PALD1: variants seen among roughly 807,000 people sequenced by gnomAD.
PALD1 encodes the protein paladin.
Under a neutral mutation model 96.0 loss-of-function variants are expected in PALD1, and 57 were observed. The observed-to-expected ratio is 0.59, with a 90% CI of 0.48 to 0.74. The LOEUF is 0.74. Among genes scored for constraint, PALD1 ranks in the 30% least tolerant of loss-of-function variants. The pLI is 0.00. For missense variants in PALD1, 1,063 were observed against 1,143.7 expected (o/e 0.93, Z 1.02); for synonymous variants, 464 against 473.6 (o/e 0.98, Z 0.26).
chr10:70,518,990 G>A (rs1846671629), intron 1 of PALD1, among the ~76,000 whole-genome samples: 1 of 152,280 alleles, frequency 6.6e-6, no homozygotes, highest in South Asian at 2.1e-4. Flanking sequence ...TGGGTCTGGA[G>A]AAAGGAGCCC....
intron 1 of PALD1, among the ~76,000 whole-genome samples, chr10:70,517,427 C>T (rs757095553): frequency 3.4e-4 from 51 of 151,192 alleles, no homozygotes; most frequent in Non-Finnish European, 5.8e-4. Flanking sequence ...CTGCAGCCTC[C>T]GTCTCCTGGG....
chr10:70,515,548 C>T (rs1344747638), intron 1 of PALD1, among the ~76,000 whole-genome samples: 6 of 152,240 alleles, frequency 3.9e-5, no homozygotes, highest in East Asian at 3.8e-4. Flanking sequence ...TGAAGGTTCA[C>T]GTCTGTGGCA....
chr10:70,504,744 A>G (rs896774741), intron 1 of PALD1, among the ~76,000 whole-genome samples: 4 of 152,182 alleles, frequency 2.6e-5, no homozygotes, highest in African/African-American at 4.8e-5. Context: ...TCTGCATTCA[A>G]TCTATTGTGA....
In PALD1 at chr10:70,568,416, C is replaced by G. The variant is rs1218348634; in HGVS notation, c.*1683C>G. 4 of 88,768 alleles carry G rather than the reference C, an allele frequency of 4.5e-5. No individual in the cohort carries two copies. The highest frequency in any genetic ancestry group is 9.9e-5 in the Non-Finnish European group (4 of 40,310). The allele number at this position is 88,768 out of a possible 1,614,324, so 5.5% of individuals were successfully genotyped here. On this transcript the variant is annotated 3_prime_UTR_variant, in exon 20 of 20. Transcript: ENST00000263563. Reference sequence around the variant, plus strand: ...ATTTGTGATTTTTTTTTTTTTTGTACAGAGCTTTTAAGCATTAAAAACAGC... The same window carrying G: ...ATTTGTGATTTTTTTTTTTTTTGTAGAGAGCTTTTAAGCATTAAAAACAGC...
chr10:70,505,680 A>G (rs10823556), intron 1 of PALD1, among the ~76,000 whole-genome samples: 47,087 of 151,918 alleles, frequency 0.31, 7,959 homozygotes, highest in East Asian at 0.48. Flanking sequence ...CCAAATACTC[A>G]TATCTGAAAA....
intron 1 of PALD1, among the ~76,000 whole-genome samples, chr10:70,479,670 G>A (rs1004854363): frequency 7.9e-5 from 12 of 152,204 alleles, no homozygotes; most frequent in African/African-American, 2.9e-4. Flanking sequence ...CGGGATGGTT[G>A]GAGCCCTTTC....
chr10:70,466,112 G>A, the PALD1 span, among the ~76,000 whole-genome samples: 4 of 152,178 alleles, frequency 2.6e-5, no homozygotes, highest in African/African-American at 9.7e-5. Context: ...ATTCAGAGCT[G>A]GATCTCAGGC....
At chr10:70,460,352 A>G in the PALD1 span, among the ~76,000 whole-genome samples, 1 of 151,822 alleles carries the variant, frequency 6.6e-6, no homozygotes, top group Admixed American at 6.6e-5. Context: ...CAGTCCTCAG[A>G]ACTCTGGACC....
At chr10:70,547,144 C>G (rs1180322654) in intron 17 of PALD1, among the ~76,000 whole-genome samples, 162 bp from the exon 18 acceptor site, 1 of 152,152 alleles carries the variant, frequency 6.6e-6, no homozygotes, top group Non-Finnish European at 1.5e-5. Flanking sequence ...TCAGGATCCC[C>G]CTGTCCTCCC....
intron 18 of PALD1, among the ~76,000 whole-genome samples, chr10:70,560,668 C>T (rs373400262): frequency 7.2e-5 from 11 of 151,750 alleles, no homozygotes; most frequent in African/African-American, 2.4e-4. Flanking sequence ...CCTGGTGGCC[C>T]GGCAAAGAGC....
intron 18 of PALD1, among the ~76,000 whole-genome samples, chr10:70,557,162 C>T (rs577071715): frequency 1.3e-5 from 2 of 152,374 alleles, no homozygotes; most frequent in African/African-American, 4.8e-5. Flanking sequence ...CCTGTGGAAC[C>T]TTGGGCAAGT....
In PALD1 at chr10:70,501,834, T is replaced by TGTGTGTGTGTGTGTGTGTGTGC. The variant is rs774868338; in HGVS notation, c.-30+22776_-30+22777insTGTGTGTGTGTGTGTGTGTGCG. Among the ~76,000 whole-genome samples the TGTGTGTGTGTGTGTGTGTGTGC allele has an allele frequency of 6.6e-3, 986 of 149,460 alleles. 6 individuals are homozygous for TGTGTGTGTGTGTGTGTGTGTGC. The highest frequency in any genetic ancestry group is 0.02 in the Middle Eastern group (6 of 294). On this transcript the variant is annotated intron_variant, in intron 1 of 19. Coordinates refer to ENST00000263563, the MANE Select transcript of PALD1 (RefSeq NM_014431.3). Reference sequence around the variant, plus strand: ...TACTCTGTGTGTGTGTGTGTGTGTGTGCGTGCGTGCATGCATACCTGTGTT... The same window carrying TGTGTGTGTGTGTGTGTGTGTGC: ...TACTCTGTGTGTGTGTGTGTGTGTGTGTGTGTGTGTGTGTGTGTGTGCGCGTGCGTGCATGCATACCTGTGTT...
intron 16 of PALD1, 68 bp from the exon 17 acceptor site, chr10:70,541,395 A>C: frequency 6.4e-7 from 1 of 1,553,092 alleles, no homozygotes; most frequent in Non-Finnish European, 8.9e-7. Context: ...GCAGCCCCCA[A>C]GTCCTCCCCA....
intron 19 of PALD1, 65 bp from the exon 20 acceptor site, chr10:70,566,516 C>T: frequency 1.6e-6 from 2 of 1,257,668 alleles, no homozygotes; most frequent in Non-Finnish European, 2.3e-6. Flanking sequence ...ATCTTCAGAA[C>T]TCAGTGGCCT....
intron 1 of PALD1, among the ~76,000 whole-genome samples, chr10:70,518,281 A>G (rs568460991): frequency 4.6e-5 from 7 of 152,248 alleles, no homozygotes; most frequent in African/African-American, 1.7e-4. Context: ...GTTGGGCTCA[A>G]TGTTTGCTGT....
chr10:70,493,305 G>C (rs1369853917), intron 1 of PALD1, among the ~76,000 whole-genome samples: 1 of 152,230 alleles, frequency 6.6e-6, no homozygotes, highest in African/African-American at 2.4e-5. Context: ...ACATAAACAA[G>C]AGGTGCTTAC....
chr10:70,526,977 C>T (rs1345015166), intron 2 of PALD1, among the ~76,000 whole-genome samples: 1 of 152,174 alleles, frequency 6.6e-6, no homozygotes, highest in Non-Finnish European at 1.5e-5. Flanking sequence ...ATAAACCCTG[C>T]CTGCCAGCTC....
intron 17 of PALD1, among the ~76,000 whole-genome samples, 180 bp from the exon 18 acceptor site, chr10:70,547,126 G>A (rs536136640): frequency 2.8e-4 from 43 of 152,260 alleles, no homozygotes; most frequent in South Asian, 8.3e-4. Flanking sequence ...GCCTGGCCCC[G>A]GAGATGTTCA....
rs751094458 is a variant in PALD1 at position 70,529,983 on chromosome 10, G to A, written c.383G>A (p.Gly128Asp). Reference protein sequence around the residue: ...CGAPNFRQVQGGLTVFGMGQP... With the variant: ...CGAPNFRQVQDGLTVFGMGQP... ...GCCCCCAACTTCCGGCAGGTGCAGG[G>A]TGGGCTCACTGTGTTCGGCATGGGA... Residue 128 changes from glycine to aspartate, a missense_variant, in exon 4 of 20, where the codon GGT (glycine) becomes GAT (aspartate). Physicochemically the swap from Gly to Asp is moderately conservative, Grantham distance 94 (BLOSUM62 -1). Coordinates refer to ENST00000263563, the MANE Select transcript of PALD1 (RefSeq NM_014431.3). The A allele has an allele frequency of 1.8e-5, 29 of 1,611,210 alleles. No individual in the cohort carries two copies. The highest frequency in any genetic ancestry group is 2.4e-5 in the Non-Finnish European group (28 of 1,178,746).
Sources: gnomAD v4.1 joint callset for allele counts (sites outside exome capture counted in the v4.1 genomes callset) on GRCh38, gnomAD v4.1.1 for gene constraint, MANE v1.5 for transcripts, NCBI Gene and HGNC (gene_info 2026-07-23, HGNC 2026-07-21) for gene names.